Variants in EPHA8 observed in about 807,000 individuals in gnomAD.
The protein encoded by EPHA8 is ephrin type-A receptor 8.
EPHA8 carries 58 observed loss-of-function variants against 103.6 expected under a neutral mutation model. The observed-to-expected ratio is 0.56, with a 90% CI of 0.45 to 0.70. The LOEUF (loss-of-function observed/expected upper bound fraction) is 0.70, where lower values mean the gene tolerates loss of function less well. Ranked by LOEUF, EPHA8 falls within the 30% of genes least tolerant of loss-of-function variation. The pLI, the probability that EPHA8 is intolerant of heterozygous loss-of-function variation, is 0.00. For missense variants in EPHA8, 1,304 were observed against 1,395.2 expected, an observed-to-expected ratio of 0.93 and a Z score of 1.04; for synonymous variants, 559 against 572.5, an observed-to-expected ratio of 0.98 and a Z score of 0.34.
Position 22,595,342 on chromosome 1 carries a change from C to G in EPHA8, c.1697+19C>G. The G allele has an allele frequency of 6.3e-7, 1 of 1,598,836 alleles. No individual in the cohort carries two copies. The highest frequency in any genetic ancestry group is 8.5e-7 in the Non-Finnish European group (1 of 1,170,884). On this transcript the variant is annotated intron_variant, in intron 8 of 16. Coordinates refer to ENST00000166244, the MANE Select transcript of EPHA8 (RefSeq NM_020526.5). ...AGAAGAGGTGGGTGGTCTGGCCCAG[C>G]CACACCCAGCCCCTCCTCTCAAGCA...
Position 22,601,963 on chromosome 1 carries a change from A to C in EPHA8, c.*222A>C. 1.7e-6 allele frequency: 1 copy of C among 587,046 alleles called. No individual in the cohort carries two copies. Among genetic ancestry groups the C allele is most frequent in the Non-Finnish European group, 3.0e-6 (1 of 337,062 alleles). The allele number at this position is 587,046 out of a possible 1,614,324, so 36.4% of individuals were successfully genotyped here. ...ACCCTGGTGAGGACACCTGTCCCCCAGGGCAGGCACCTTCTCTTTTCCAGA... is the reference window on the plus strand; with the variant it reads ...ACCCTGGTGAGGACACCTGTCCCCCCGGGCAGGCACCTTCTCTTTTCCAGA... On this transcript the variant is annotated 3_prime_UTR_variant, in exon 17 of 17. Coordinates refer to ENST00000166244, the MANE Select transcript of EPHA8 (RefSeq NM_020526.5).
chr1:22,579,217 GTA>G (rs1553146230), intron 3 of EPHA8, among the ~76,000 whole-genome samples: 2 of 151,498 alleles, frequency 1.3e-5, no homozygotes, highest in African/African-American at 4.9e-5. Context: ...GCATGTGTGT[GTA>G]TGTATGCATG....
chr1:22,594,331 G>A (rs892526077), intron 7 of EPHA8, among the ~76,000 whole-genome samples: 2 of 152,216 alleles, frequency 1.3e-5, no homozygotes, highest in African/African-American at 2.4e-5. Flanking sequence ...CGCCTGAGGC[G>A]GCAGAGATGG....
rs1286773494 is a variant in EPHA8 at position 22,576,861 on chromosome 1, G to A, written c.804G>A (p.Glu268=). ...GCGTGTGCAGTGCCGGCTACGAGGA[G>A]CGGCGGGATGCCTGTGTGGGTGAGC... is the stretch of plus-strand genomic sequence containing the variant. ...GKCVCSAGYE[E]RRDACVACEL... is the part of the protein sequence containing the mutation. Residue 268 remains glutamate (E), a synonymous_variant, in exon 3 of 17, where the codon GAG becomes GAA. Coordinates refer to ENST00000166244, the MANE Select transcript of EPHA8 (RefSeq NM_020526.5). The surrounding 1 kb of genome is among the most constrained non-coding windows in gnomAD (Gnocchi z 4.8). The A allele has an allele frequency of 5.6e-6, 9 of 1,594,898 alleles. No homozygotes were observed. The highest frequency in any genetic ancestry group is 6.8e-6 in the Non-Finnish European group (8 of 1,168,572).
chr1:22,565,261 T>C (rs986160548), intron 1 of EPHA8, among the ~76,000 whole-genome samples: 1 of 151,888 alleles, frequency 6.6e-6, no homozygotes, highest in African/African-American at 2.4e-5. Context: ...ACAGATAAAA[T>C]CATAGTCTCC....
At chr1:22,579,542 C>A (rs1386244253) in intron 3 of EPHA8, among the ~76,000 whole-genome samples, 1 of 152,190 alleles carries the variant, frequency 6.6e-6, no homozygotes, top group Non-Finnish European at 1.5e-5. Flanking sequence ...TGCAGCCAGG[C>A]ACCCCAAGAG....
At chr1:22,600,081 A>AAGGG (rs1345177336) in intron 13 of EPHA8, among the ~76,000 whole-genome samples, 2 of 88,548 alleles carry the variant, frequency 2.3e-5, no homozygotes, top group African/African-American at 4.8e-5. Flanking sequence ...GGGAGGAAGG[A>AAGGG]AGGGAGGGAG....
chr1:22,573,061 A>G (rs1640586678), intron 2 of EPHA8, among the ~76,000 whole-genome samples: 1 of 152,156 alleles, frequency 6.6e-6, no homozygotes, highest in African/African-American at 2.4e-5. Context: ...TAATTGTGAC[A>G]ATGACTTTAA....
At position 22,569,199 on chromosome 1, in the gene EPHA8, G is replaced by A; in HGVS notation, c.95-90G>A. ...GTGTGAGCTGTGTGCTGGGGGCTGA[G>A]TGTGGACCAGTGTAGCTGGGTCAGG... is the stretch of plus-strand genomic sequence containing the variant. On this transcript the variant is annotated intron_variant, in intron 1 of 16. Transcript: ENST00000166244. The surrounding 1 kb of genome is among the most constrained non-coding windows in gnomAD (Gnocchi z 4.5). 7.8e-7 allele frequency: 1 copy of A among 1,283,048 alleles called. No individual in the cohort carries two copies. The allele number at this position is 1,283,048 out of a possible 1,614,324, so 79.5% of individuals were successfully genotyped here. A position where few individuals can be genotyped will look rare whatever the true frequency, so the allele number is the denominator to read the frequency against.
Position 22,576,946 on chromosome 1 carries a change from G to A in EPHA8, c.823+66G>A. ...GTGCTTGGTCTTGGCAGGGCTGCCA[G>A]GGTGTAAGGGGGGACGTCAGAGCCC... On this transcript the variant is annotated intron_variant, in intron 3 of 16. Coordinates refer to ENST00000166244, the MANE Select transcript of EPHA8 (RefSeq NM_020526.5). This position sits in a 1 kb window ranked among gnomAD's most constrained non-coding sequence, Gnocchi z 4.8. 1 of 1,496,118 alleles carries A rather than the reference G, an allele frequency of 6.7e-7. No individual in the cohort carries two copies. The highest frequency in any genetic ancestry group is 8.9e-7 in the Non-Finnish European group (1 of 1,120,832). The allele number at this position is 1,496,118 out of a possible 1,614,324, so 92.7% of individuals were successfully genotyped here. A position where few individuals can be genotyped will look rare whatever the true frequency, so the allele number is the denominator to read the frequency against.
rs776497408 is a variant in EPHA8 at position 22,595,313 on chromosome 1, T to G, written c.1687T>G (p.Cys563Gly). The G allele has an allele frequency of 6.6e-5, 107 of 1,613,238 alleles. No homozygotes were observed. Among genetic ancestry groups the G allele is most frequent in the Non-Finnish European group, 8.8e-5 (104 of 1,179,696 alleles). ...GLVVLLLLLICKKRHCGYSKA... is the reference protein window; with the variant it reads ...GLVVLLLLLIGKKRHCGYSKA... The stretch of plus-strand genomic sequence containing the variant: ...GGTGGTGCTTCTGCTCCTGCTCATC[T>G]GCAAGAAGAGGTGGGTGGTCTGGCC... The change falls in exon 8 of 17, where the codon TGC (cysteine) becomes GGC (glycine). Residue 563 changes from cysteine to glycine, a missense_variant. By Grantham distance (159) the Cys-to-Gly change is radical. Coordinates refer to ENST00000166244, the MANE Select transcript of EPHA8 (RefSeq NM_020526.5).
intron 4 of EPHA8, 52 bp downstream of exon 4, chr1:22,586,687 C>A: frequency 6.3e-7 from 1 of 1,593,016 alleles, no homozygotes; most frequent in Non-Finnish European, 8.6e-7. Context: ...CTGGGCCGGG[C>A]CCCTGTGTTT....
chr1:22,591,653 G>C (rs1340952541), intron 5 of EPHA8, among the ~76,000 whole-genome samples: 1 of 152,106 alleles, frequency 6.6e-6, no homozygotes, highest in Non-Finnish European at 1.5e-5. Flanking sequence ...CTTCACCCCT[G>C]CCTGCCTCTC....
chr1:22,576,095 C>G lies in EPHA8; in HGVS notation c.160-122C>G. 1.7e-6 allele frequency: 2 copies of G among 1,174,444 alleles called. No homozygotes were observed. Among genetic ancestry groups the G allele is most frequent in the Non-Finnish European group, 2.4e-6 (2 of 827,752 alleles). The allele number at this position is 1,174,444 out of a possible 1,614,324, so 72.8% of individuals were successfully genotyped here. A position where few individuals can be genotyped will look rare whatever the true frequency, so the allele number is the denominator to read the frequency against. On this transcript the variant is annotated intron_variant, in intron 2 of 16. Transcript: ENST00000166244. The surrounding 1 kb of genome is among the most constrained non-coding windows in gnomAD (Gnocchi z 4.8). ...CAGGGGGCCTGGCATCTAGTAGCCACCAGGAGGCCAGCTCCTTTGTCTTTT... is the reference window on the plus strand; with the variant it reads ...CAGGGGGCCTGGCATCTAGTAGCCAGCAGGAGGCCAGCTCCTTTGTCTTTT...
chr1:22,580,248 C>A (rs1170392476), intron 3 of EPHA8, among the ~76,000 whole-genome samples: 5 of 149,246 alleles, frequency 3.4e-5, no homozygotes, highest in African/African-American at 7.5e-5. Context: ...AAGCGGTTCT[C>A]CTGCCTCAGC....
At position 22,597,435 on chromosome 1, in the gene EPHA8, T is replaced by G. The variant is rs1197301453; in HGVS notation, c.1889T>G (p.Ile630Ser). ...GRAGRSFTRE[I>S]EASRIHIEKI... is the part of the protein sequence containing the mutation. ...GCGGGCCGCAGTTTCACTCGGGAGA[T>G]CGAGGCCTCTAGGATCCACATCGAG... The change falls in exon 10 of 17, where the codon ATC becomes AGC. Residue 630 changes from isoleucine (I) to serine (S), a missense_variant. Transcript: ENST00000166244. This position sits in a 1 kb window ranked among gnomAD's most constrained non-coding sequence, Gnocchi z 4.6. 3.7e-6 allele frequency: 6 copies of G among 1,613,298 alleles called. No individual in the cohort carries two copies. The highest frequency in any genetic ancestry group is 5.1e-6 in the Non-Finnish European group (6 of 1,179,984).
Position 22,567,265 on chromosome 1 carries a change from CGT to C in EPHA8, c.95-2017_95-2016del, listed in dbSNP as rs542158485. Among the ~76,000 whole-genome samples, 2 of 148,948 alleles carry C rather than the reference CGT, an allele frequency of 1.3e-5. No individual in the cohort carries two copies. The highest frequency in any genetic ancestry group is 4.2e-4 in the South Asian group (2 of 4,812). Reference sequence around the variant, plus strand: ...GCGGGGTGGGGCGGGGGGACCCATACGTGTGTGTCCTTCCCTCACCATCTCCC... The same window carrying C: ...GCGGGGTGGGGCGGGGGGACCCATACGTGTGTCCTTCCCTCACCATCTCCC... On this transcript the variant is annotated intron_variant, in intron 1 of 16. Coordinates refer to ENST00000166244, the MANE Select transcript of EPHA8 (RefSeq NM_020526.5). This position sits in a 1 kb window ranked among gnomAD's most constrained non-coding sequence, Gnocchi z 4.2.
intron 5 of EPHA8, 26 bp from the exon 6 acceptor site, chr1:22,593,300 C>A (rs1023118794): frequency 1.3e-6 from 2 of 1,548,188 alleles, no homozygotes. Flanking sequence ...TCCCCTCCGC[C>A]CATCTGACGG....
chr1:22,574,591 C>T (rs1640632764), intron 2 of EPHA8, among the ~76,000 whole-genome samples: 1 of 152,200 alleles, frequency 6.6e-6, no homozygotes, highest in Admixed American at 6.5e-5. Context: ...TAGCTTATTT[C>T]ATTTGGCATG....
Sources: gnomAD v4.1 joint callset for allele counts (sites outside exome capture counted in the v4.1 genomes callset) on GRCh38, gnomAD v4.1.1 for gene constraint, Gnocchi (gnomAD v3.1) non-coding constraint, MANE v1.5 for transcripts, NCBI Gene and HGNC (gene_info 2026-07-23, HGNC 2026-07-21) for gene names.